PRKN: variants seen among roughly 807,000 people sequenced by gnomAD.
The protein encoded by PRKN is parkin RBR E3 ubiquitin protein ligase.
In PRKN, 56 loss-of-function variants were observed where a neutral mutation model predicts 59.5. The ratio of observed to expected loss-of-function variants is 0.94; its 90% confidence interval spans 0.76 to 1.18. The LOEUF (loss-of-function observed/expected upper bound fraction) is 1.18. Among genes scored for constraint, PRKN ranks in the 50% most tolerant of loss-of-function variants. The probability of loss-of-function intolerance (pLI) is 0.00; values close to 1 mark genes in which losing one functional copy is unlikely to be tolerated. For missense variants in PRKN, 657 were observed against 596.4 expected (o/e 1.10, Z -1.06); for synonymous variants, 250 against 222.1 (o/e 1.13, Z -1.12).
chr6:161,606,725 A>G (rs1035334915), intron 7 of PRKN, among the ~76,000 whole-genome samples: 2 of 152,212 alleles, frequency 1.3e-5, no homozygotes, highest in Non-Finnish European at 2.9e-5. Flanking sequence ...GCACCACCGG[A>G]AGGCCCAGGA....
intron 4 of PRKN, among the ~76,000 whole-genome samples, chr6:162,121,822 T>C (rs1780927550): frequency 6.6e-6 from 1 of 152,054 alleles, no homozygotes; most frequent in South Asian, 2.1e-4. Flanking sequence ...CCAAATCACA[T>C]AGGAATGAAA....
intron 4 of PRKN, among the ~76,000 whole-genome samples, chr6:162,076,788 G>A (rs1214063550): frequency 6.6e-6 from 1 of 152,114 alleles, no homozygotes; most frequent in African/African-American, 2.4e-5. Flanking sequence ...CTTAAAATTT[G>A]CTCTTGCAAT....
At chr6:162,215,042 G>A (rs1468346962) in intron 3 of PRKN, among the ~76,000 whole-genome samples, 1 of 151,932 alleles carries the variant, frequency 6.6e-6, no homozygotes, top group Non-Finnish European at 1.5e-5. Flanking sequence ...CAACCTTATT[G>A]GGCCCAGAAA....
At chr6:161,521,170 T>C (rs1223979482) in intron 9 of PRKN, among the ~76,000 whole-genome samples, 1 of 151,980 alleles carries the variant, frequency 6.6e-6, no homozygotes, top group African/African-American at 2.4e-5. Context: ...TTAGGTTGGG[T>C]TGATGAAGCA....
In PRKN at chr6:161,592,001, A is replaced by T. The variant is rs181144497; in HGVS notation, c.872-22585T>A. Among the ~76,000 whole-genome samples, 1 of 152,294 alleles carries T rather than the reference A, an allele frequency of 6.6e-6. No homozygotes were observed. On this transcript the variant is annotated intron_variant, in intron 7 of 11. Transcript: ENST00000366898. This position sits in a 1 kb window ranked among gnomAD's most constrained non-coding sequence, Gnocchi z 4.8. ...AGTGACAATTGCTCAAGTCTCTGAT[A>T]TACAATGATGTAGTATTTCTATATA...
In PRKN at chr6:161,484,154, C is replaced by T. The variant is rs1791543146; in HGVS notation, c.1083+64700G>A. Among the ~76,000 whole-genome samples the T allele has an allele frequency of 6.6e-6, 1 of 152,112 alleles. No homozygotes were observed. Reference sequence around the variant, plus strand: ...TACCTATATAACAAACCTGCACATCCTGCACATGTACCCCTGAACTTAAAA... The same window carrying T: ...TACCTATATAACAAACCTGCACATCTTGCACATGTACCCCTGAACTTAAAA... On this transcript the variant is annotated intron_variant, in intron 9 of 11. Transcript: ENST00000366898. The surrounding 1 kb of genome is among the most constrained non-coding windows in gnomAD (Gnocchi z 4.9).
chr6:162,058,620 C>G (rs943377941), intron 4 of PRKN, among the ~76,000 whole-genome samples: 5 of 152,312 alleles, frequency 3.3e-5, no homozygotes, highest in Admixed American at 3.3e-4. Flanking sequence ...ATGACACATG[C>G]AATGGTCAAT....
chr6:161,480,974 C>T lies in PRKN; in HGVS notation c.1083+67880G>A, dbSNP rs908084236. Among the ~76,000 whole-genome samples, 2 of 152,168 alleles carry T rather than the reference C, an allele frequency of 1.3e-5. No homozygotes were observed. Among genetic ancestry groups the T allele is most frequent in the East Asian group, 3.9e-4 (2 of 5,184 alleles). On this transcript the variant is annotated intron_variant, in intron 9 of 11. Coordinates refer to ENST00000366898, the MANE Select transcript of PRKN (RefSeq NM_004562.3). The surrounding 1 kb of genome is among the most constrained non-coding windows in gnomAD (Gnocchi z 4.1). ...CAAGGAGAAAAGCGCTTCACAGCCA[C>T]GAAGAGGGGGTTCCTGAGGGAAGCA...
intron 7 of PRKN, among the ~76,000 whole-genome samples, chr6:161,701,242 C>G (rs1332071205): frequency 6.6e-6 from 1 of 152,162 alleles, no homozygotes; most frequent in Admixed American, 6.6e-5. Context: ...CATGCTCAGC[C>G]TGAAGCAGAG....
In PRKN at chr6:161,369,468, G is replaced by C. The variant is rs1229538580; in HGVS notation, c.1168-9263C>G. ...TAACTTACCCTCTGTTCCCGCCTTA[G>C]TCATCAAGCTCTAAAGCAATGCCTG... is the stretch of plus-strand genomic sequence containing the variant. On this transcript the variant is annotated intron_variant, in intron 10 of 11. Transcript: ENST00000366898. This position sits in a 1 kb window ranked among gnomAD's most constrained non-coding sequence, Gnocchi z 5.8. Among the ~76,000 whole-genome samples the C allele has an allele frequency of 1.3e-5, 2 of 152,174 alleles. No individual in the cohort carries two copies. The highest frequency in any genetic ancestry group is 1.5e-5 in the Non-Finnish European group (1 of 68,034).
chr6:162,712,736 T>C (rs1277284867), intron 1 of PRKN, among the ~76,000 whole-genome samples: 2 of 152,252 alleles, frequency 1.3e-5, no homozygotes, highest in South Asian at 4.1e-4. Flanking sequence ...ATCATCCCCA[T>C]ACTTAATGTC....
intron 7 of PRKN, among the ~76,000 whole-genome samples, chr6:161,679,956 G>C (rs755405500): frequency 2.6e-5 from 4 of 151,472 alleles, no homozygotes; most frequent in African/African-American, 9.7e-5. Flanking sequence ...GGGTTTCACC[G>C]TGTTAGCCAG....
intron 2 of PRKN, among the ~76,000 whole-genome samples, chr6:162,375,791 A>C (rs1044233698): frequency 1.3e-5 from 2 of 148,380 alleles, no homozygotes; most frequent in South Asian, 2.1e-4. Flanking sequence ...CTCTCTCTCT[A>C]GATATATATA....
chr6:161,771,392 TAAAA>T lies in PRKN; in HGVS notation c.871+14376_871+14379del, dbSNP rs1562671013. 1.1e-4 allele frequency among the ~76,000 whole-genome samples: 14 copies of T among 124,400 alleles called. 1 individual carries two copies. The highest frequency in any genetic ancestry group is 4.8e-4 in the Admixed American group (6 of 12,408). The allele number at this position is 124,400 out of a possible 152,430, so 81.6% of individuals were successfully genotyped here. On this transcript the variant is annotated intron_variant, in intron 7 of 11. Coordinates refer to ENST00000366898, the MANE Select transcript of PRKN (RefSeq NM_004562.3). ...AAAAATAAAATAAAATAAAATAAAA[TAAAA>T]TAAAAGCACTGCTGTGCTTGAGCCA...
At chr6:161,506,209 T>C (rs1384796588) in intron 9 of PRKN, among the ~76,000 whole-genome samples, 1 of 151,976 alleles carries the variant, frequency 6.6e-6, no homozygotes, top group Non-Finnish European at 1.5e-5. Flanking sequence ...CATTGAGCAG[T>C]GGTTTGTAGT....
At chr6:161,832,048 T>C (rs917806952) in intron 6 of PRKN, among the ~76,000 whole-genome samples, 1 of 152,218 alleles carries the variant, frequency 6.6e-6, no homozygotes, top group African/African-American at 2.4e-5. Context: ...TAGGATTGGA[T>C]ACATTTACCA....
Position 161,592,662 on chromosome 6 carries a change from A to G in PRKN, c.872-23246T>C, listed in dbSNP as rs1172120655. Among the ~76,000 whole-genome samples the G allele has an allele frequency of 6.6e-6, 1 of 152,130 alleles. No homozygotes were observed. The highest frequency in any genetic ancestry group is 2.4e-5 in the African/African-American group (1 of 41,424). On this transcript the variant is annotated intron_variant, in intron 7 of 11. Transcript: ENST00000366898. This position sits in a 1 kb window ranked among gnomAD's most constrained non-coding sequence, Gnocchi z 4.8. The stretch of plus-strand genomic sequence containing the variant: ...GCTATGGAGAAAGATGAAGCAGGGA[A>G]ACTGTTGGAGGGAGAGGGAGGATCT...
chr6:161,887,272 A>C (rs1423804531), intron 6 of PRKN, among the ~76,000 whole-genome samples: 1 of 152,140 alleles, frequency 6.6e-6, no homozygotes, highest in African/African-American at 2.4e-5. Flanking sequence ...TAGTACTGGA[A>C]GAGTATTCAC....
At chr6:162,320,650 C>A (rs1414899849) in intron 2 of PRKN, among the ~76,000 whole-genome samples, 2 of 151,624 alleles carry the variant, frequency 1.3e-5, no homozygotes, top group East Asian at 1.9e-4. Context: ...AATTATATAA[C>A]CACTACAAAA....
Sources: allele counts gnomAD v4.1 joint callset (sites outside exome capture counted in the v4.1 genomes callset), GRCh38; gene constraint gnomAD v4.1.1; non-coding constraint Gnocchi (gnomAD v3.1); transcripts MANE v1.5; gene names NCBI Gene and HGNC (gene_info 2026-07-23, HGNC 2026-07-21).